Variants in POC5 observed in about 807,000 individuals in gnomAD.
POC5 encodes centrosomal protein POC5.
POC5 carries 48 observed loss-of-function variants against 62.9 expected under a neutral mutation model. The ratio of observed to expected loss-of-function variants is 0.76; its 90% confidence interval spans 0.61 to 0.97. The LOEUF (loss-of-function observed/expected upper bound fraction) is 0.97, where lower values mean the gene tolerates loss of function less well. Among genes scored for constraint, POC5 ranks in the 50% least tolerant of loss-of-function variants. The pLI is 0.00. For synonymous variants in POC5, 236 were observed against 228.2 expected (o/e 1.03, Z -0.31); for missense variants, 696 against 679.5 (o/e 1.02, Z -0.27).
At chr5:75,678,136 C>T (rs1282245531) in intron 10 of POC5, among the ~76,000 whole-genome samples, 186 bp from the exon 11 acceptor site, 1 of 151,884 alleles carries the variant, frequency 6.6e-6, no homozygotes, top group African/African-American at 2.4e-5. Context: ...CCAAAATATC[C>T]CTTTAACCTG....
chr5:75,705,549 T>C, intron 4 of POC5, 155 bp downstream of exon 4: 1 of 530,386 alleles, frequency 1.9e-6, no homozygotes, highest in Non-Finnish European at 3.2e-6. Context: ...CTTATCAAAT[T>C]ATTTTAAATA....
rs1451863604 is a variant in POC5, at chr5:75,677,952, TA to T, written c.1408-3del. The stretch of plus-strand genomic sequence containing the variant: ...AGAGGTTACAACTCTTGGCACATAC[TA>T]AGAAGAAAAAAAAATAAAAGAAGTA... On this transcript the variant is annotated splice_region_variant and splice_polypyrimidine_tract_variant and intron_variant, in intron 10 of 11. Coordinates refer to ENST00000428202, the MANE Select transcript of POC5 (RefSeq NM_001099271.2). 3 of 1,507,858 alleles carry T rather than the reference TA, an allele frequency of 2.0e-6. No homozygotes were observed. Among genetic ancestry groups the T allele is most frequent in the South Asian group, 2.7e-5 (2 of 74,286 alleles). 93.4% of individuals were successfully genotyped at this position (1,507,858 alleles called of 1,614,324 possible).
At position 75,705,799 on chromosome 5, in the gene POC5, A is replaced by C; in HGVS notation, c.224-12T>G. On this transcript the variant is annotated splice_polypyrimidine_tract_variant and intron_variant, in intron 3 of 11. Transcript: ENST00000428202. The stretch of plus-strand genomic sequence containing the variant: ...TTCAGAGTTATTTCCTGCCAAAAAG[A>C]AAGCTTTTTAAAATTAAACTGAACC... 1 of 1,502,418 alleles carries C rather than the reference A, an allele frequency of 6.7e-7. No individual in the cohort carries two copies. Among genetic ancestry groups the C allele is most frequent in the East Asian group, 2.5e-5 (1 of 40,706 alleles). 93.1% of individuals were successfully genotyped at this position (1,502,418 alleles called of 1,614,324 possible). A position where few individuals can be genotyped will look rare whatever the true frequency, so the allele number is the denominator to read the frequency against.
chr5:75,714,779 G>A (rs928480281), intron 1 of POC5, among the ~76,000 whole-genome samples: 25 of 152,074 alleles, frequency 1.6e-4, no homozygotes, highest in Non-Finnish European at 2.9e-4. Flanking sequence ...CACTGGCTAC[G>A]TAGTGCGCTA....
intron 7 of POC5, among the ~76,000 whole-genome samples, chr5:75,691,802 T>A (rs1776348925): frequency 2.0e-5 from 3 of 152,144 alleles, no homozygotes; most frequent in African/African-American, 7.2e-5. Flanking sequence ...GATACAACAA[T>A]TTAGTATTCT....
At chr5:75,712,349 A>G in intron 2 of POC5, 1 of 1,544,434 alleles carries the variant, frequency 6.5e-7, no homozygotes, top group Non-Finnish European at 9.0e-7. Context: ...TTTCATGTAA[A>G]TACCACACCC....
chr5:75,712,643 T>C, intron 2 of POC5: 1 of 712,846 alleles, frequency 1.4e-6, no homozygotes, highest in Non-Finnish European at 2.4e-6. Flanking sequence ...GTACAGAGTG[T>C]ATGAAGAGTT....
At chr5:75,679,603 C>T (rs1001496482) in intron 10 of POC5, among the ~76,000 whole-genome samples, 6 of 151,712 alleles carry the variant, frequency 4.0e-5, no homozygotes, top group Non-Finnish European at 5.9e-5. Context: ...GATAGAAAAC[C>T]GAAGATAAAA....
In POC5 at chr5:75,690,505, A is replaced by C. The variant is rs1264738847; in HGVS notation, c.853T>G (p.Trp285Gly). ...TGCACTACGGAACGCCAGACTTTCC[A>C]GACTTTCTTCAGTAAAGTTCTCTGG... ...YYQRTLLKKV[W>G]KVWRSVVQKQ... The change falls in exon 8 of 12, where the codon TGG becomes GGG. Residue 285 changes from tryptophan (W) to glycine (G), a missense_variant. Trp to Gly is a radical substitution (Grantham distance 184, BLOSUM62 -2). Transcript: ENST00000428202. The C allele has an allele frequency of 6.2e-7, 1 of 1,605,524 alleles. No individual in the cohort carries two copies. The highest frequency in any genetic ancestry group is 8.5e-7 in the Non-Finnish European group (1 of 1,175,228).
chr5:75,693,883 T>G (rs1473895157), intron 6 of POC5, among the ~76,000 whole-genome samples: 2 of 152,132 alleles, frequency 1.3e-5, no homozygotes, highest in Non-Finnish European at 2.9e-5. Flanking sequence ...GGCAAAAAAT[T>G]AGCACAGACT....
rs115504396 is a variant in POC5 at position 75,687,823 on chromosome 5, A to T, written c.1129+1189T>A. Among the ~76,000 whole-genome samples, 181 of 152,326 alleles carry T rather than the reference A, an allele frequency of 1.2e-3. 1 individual carries two copies. Among genetic ancestry groups the T allele is most frequent in the African/African-American group, 3.9e-3 (162 of 41,574 alleles). On this transcript the variant is annotated intron_variant, in intron 9 of 11. Coordinates refer to ENST00000428202, the MANE Select transcript of POC5 (RefSeq NM_001099271.2). ...ATATTTCTCCCAAGTAAACAATTAA[A>T]TTTCTCAATTTGTGACACACAACTT... is the stretch of plus-strand genomic sequence containing the variant.
intron 8 of POC5, 27 bp from the exon 9 acceptor site, chr5:75,689,192 A>C (rs1561466979): frequency 2.0e-6 from 3 of 1,510,112 alleles, no homozygotes; most frequent in Non-Finnish European, 2.7e-6. Context: ...TAAAAAGCAA[A>C]ACAATTTGAG....
chr5:75,674,339 T>C lies in POC5; in HGVS notation c.*96A>G. 7.6e-7 allele frequency: 1 copy of C among 1,315,090 alleles called. No homozygotes were observed. The highest frequency in any genetic ancestry group is 1.0e-6 in the Non-Finnish European group (1 of 957,520). The allele number at this position is 1,315,090 out of a possible 1,614,324, so 81.5% of individuals were successfully genotyped here. A position where few individuals can be genotyped will look rare whatever the true frequency, so the allele number is the denominator to read the frequency against. ...TGAACAGATGAACATGATGTCTCCA[T>C]GATGTTCTAACAATATGGAAAAGTT... On this transcript the variant is annotated 3_prime_UTR_variant, in exon 12 of 12. Transcript: ENST00000428202.
chr5:75,695,456 A>G (rs773299815), intron 5 of POC5, among the ~76,000 whole-genome samples: 5 of 152,240 alleles, frequency 3.3e-5, no homozygotes, highest in Non-Finnish European at 7.3e-5. Flanking sequence ...TATTCTAAGT[A>G]TGAAACCTGT....
intron 5 of POC5, among the ~76,000 whole-genome samples, chr5:75,700,177 C>G (rs1776806563): frequency 1.3e-5 from 2 of 151,898 alleles, no homozygotes; most frequent in Admixed American, 1.3e-4. Context: ...CCATCCCCAT[C>G]AAGCTACCAA....
chr5:75,674,377 C>T lies in POC5; in HGVS notation c.*58G>A, dbSNP rs1206384352. On this transcript the variant is annotated 3_prime_UTR_variant, in exon 12 of 12. Transcript: ENST00000428202. ...ATATGGAAAAGTTAAAACCAAAAGA[C>T]TTCTAACCCTTGGTAAGACCAGAGG... is the stretch of plus-strand genomic sequence containing the variant. 3 of 1,550,002 alleles carry T rather than the reference C, an allele frequency of 1.9e-6. No homozygotes were observed. In the Admixed American group the frequency reaches 5.8e-5, roughly 30 times the overall value.
chr5:75,689,633 C>T, intron 8 of POC5: 1 of 985,382 alleles, frequency 1.0e-6, no homozygotes, highest in Non-Finnish European at 1.2e-6. Flanking sequence ...CACACTTTCC[C>T]ATAGGCCAAA....
intron 1 of POC5, among the ~76,000 whole-genome samples, chr5:75,715,695 G>A (rs2112226841): frequency 6.6e-6 from 1 of 152,296 alleles, no homozygotes; most frequent in East Asian, 1.9e-4. Flanking sequence ...TATCATAAAT[G>A]TGAATGTGTA....
chr5:75,702,528 AC>A, intron 5 of POC5, 76 bp downstream of exon 5: 4 of 1,385,726 alleles, frequency 2.9e-6, no homozygotes, highest in Non-Finnish European at 3.9e-6. Flanking sequence ...ACTCAAAAAA[AC>A]AAAACAGTAT....
Sources: gnomAD v4.1 joint callset for allele counts (sites outside exome capture counted in the v4.1 genomes callset) on GRCh38, gnomAD v4.1.1 for gene constraint, MANE v1.5 for transcripts, NCBI Gene and HGNC (gene_info 2026-07-23, HGNC 2026-07-21) for gene names.